Variants in ITGBL1 observed in about 807,000 individuals in gnomAD.
ITGBL1 encodes the protein integrin beta-like protein 1.
Under a neutral mutation model 68.5 loss-of-function variants are expected in ITGBL1, and 51 were observed. The ratio of observed to expected loss-of-function variants is 0.74; its 90% CI spans 0.59 to 0.94. The LOEUF (loss-of-function observed/expected upper bound fraction) is 0.94, where lower values mean the gene tolerates loss of function less well. Among genes scored for constraint, ITGBL1 ranks in the 40% least tolerant of loss-of-function variants. ITGBL1 has a pLI of 0.00. For synonymous variants in ITGBL1, 209 were observed against 227.3 expected (o/e 0.92, Z 0.72); for missense variants, 649 against 647.4 (o/e 1.00, Z -0.03).
At chr13:101,701,146 ACAACT>A (rs2034127330) in intron 8 of ITGBL1, among the ~76,000 whole-genome samples, 2 of 152,348 alleles carry the variant, frequency 1.3e-5, no homozygotes, top group Admixed American at 6.5e-5. Context: ...CATATAAATG[ACAACT>A]CAAAGCATTT....
intron 7 of ITGBL1, among the ~76,000 whole-genome samples, chr13:101,692,173 G>T (rs188774012): frequency 6.6e-6 from 1 of 151,910 alleles, no homozygotes; most frequent in African/African-American, 2.4e-5. Context: ...TCATGGAGCA[G>T]ATAGACCCAA....
chr13:101,477,022 C>T lies in ITGBL1; in HGVS notation c.316+22922C>T, dbSNP rs1020469459. Among the ~76,000 whole-genome samples the T allele has an allele frequency of 3.3e-5, 5 of 151,968 alleles. No individual in the cohort carries two copies. The East Asian group carries it at 5.8e-4, about 18-fold the overall frequency. On this transcript the variant is annotated intron_variant, in intron 2 of 10. Coordinates refer to ENST00000376180, the MANE Select transcript of ITGBL1 (RefSeq NM_004791.3). ...ACCTGATAGGTATTTCCAAGAACAT[C>T]GATGGCTGCAAAGTGCACATGCTTC...
At chr13:101,621,562 T>C (rs550659316) in intron 7 of ITGBL1, among the ~76,000 whole-genome samples, 73 of 152,274 alleles carry the variant, frequency 4.8e-4, no homozygotes, top group Non-Finnish European at 4.4e-5. Context: ...AAGCCTAACA[T>C]GAGCTTTGCA....
chr13:101,467,695 C>T (rs926167016), intron 2 of ITGBL1, among the ~76,000 whole-genome samples: 3 of 152,130 alleles, frequency 2.0e-5, no homozygotes, highest in African/African-American at 7.2e-5. Flanking sequence ...ACTGATTTGA[C>T]TTTGTACAAC....
chr13:101,533,759 T>G (rs2049522684), intron 2 of ITGBL1, among the ~76,000 whole-genome samples: 1 of 63,422 alleles, frequency 1.6e-5, no homozygotes, highest in Non-Finnish European at 3.5e-5. Context: ...TAAAAGAGTT[T>G]GGCTAAGCAT....
intron 7 of ITGBL1, among the ~76,000 whole-genome samples, chr13:101,632,241 T>A (rs1340806754): frequency 6.6e-6 from 1 of 151,950 alleles, no homozygotes; most frequent in Admixed American, 6.6e-5. Context: ...CCCAACTACA[T>A]AGGAAAAGGA....
Position 101,598,225 on chromosome 13 carries a change from A to G in ITGBL1, c.941A>G (p.Gln314Arg). The G allele has an allele frequency of 6.2e-7, 1 of 1,613,902 alleles. No individual in the cohort carries two copies. The highest frequency in any genetic ancestry group is 2.2e-5 in the East Asian group (1 of 44,804). The change falls in exon 7 of 11, where the codon CAG becomes CGG. Residue 314 changes from glutamine (Q) to arginine (R), a missense_variant. By Grantham distance (43) the Gln-to-Arg change is conservative. Coordinates refer to ENST00000376180, the MANE Select transcript of ITGBL1 (RefSeq NM_004791.3). ...TATGGGAAGAAGTGTGAGCACCCAC[A>G]GTCCTGCACGCTGTCAGCTGAGGAG... ...GWYGKKCEHPQSCTLSAEESI... is the reference protein window; with the variant it reads ...GWYGKKCEHPRSCTLSAEESI...
At chr13:101,484,309 T>C (rs2048670349) in intron 2 of ITGBL1, among the ~76,000 whole-genome samples, 1 of 152,138 alleles carries the variant, frequency 6.6e-6, no homozygotes, top group Admixed American at 6.5e-5. Flanking sequence ...ATGATAATGA[T>C]TTCTGGTTTC....
intron 2 of ITGBL1, among the ~76,000 whole-genome samples, chr13:101,532,955 C>T (rs752670001): frequency 5.3e-5 from 8 of 152,096 alleles, no homozygotes; most frequent in Non-Finnish European, 7.4e-5. Context: ...ATAGAGGGGC[C>T]ATATTTCCAA....
chr13:101,538,538 A>T (rs760926439), intron 2 of ITGBL1, among the ~76,000 whole-genome samples: 1 of 152,150 alleles, frequency 6.6e-6, no homozygotes, highest in Non-Finnish European at 1.5e-5. Flanking sequence ...TGGATTTTTT[A>T]AATTTACCTT....
intron 7 of ITGBL1, among the ~76,000 whole-genome samples, chr13:101,669,262 G>T (rs997373302): frequency 1.3e-5 from 2 of 152,054 alleles, no homozygotes; most frequent in African/African-American, 2.4e-5. Context: ...TGCAAAGAAG[G>T]TTATGAGGAA....
At chr13:101,489,513 C>T (rs550102061) in intron 2 of ITGBL1, among the ~76,000 whole-genome samples, 1 of 152,096 alleles carries the variant, frequency 6.6e-6, no homozygotes, top group African/African-American at 2.4e-5. Context: ...TTTAGTTCCC[C>T]TTAAATGCTT....
intron 7 of ITGBL1, among the ~76,000 whole-genome samples, chr13:101,650,318 G>T (rs1222937309): frequency 6.6e-6 from 1 of 152,128 alleles, no homozygotes; most frequent in Non-Finnish European, 1.5e-5. Flanking sequence ...TTTTGCAAAT[G>T]TGTTTATAAG....
At chr13:101,569,159 T>TG (rs1410865889) in intron 3 of ITGBL1, among the ~76,000 whole-genome samples, 3 of 152,058 alleles carry the variant, frequency 2.0e-5, no homozygotes, top group African/African-American at 7.2e-5. Flanking sequence ...TCTTTCATCT[T>TG]GAAAAAATTA....
chr13:101,600,207 TG>T (rs2030274300), intron 7 of ITGBL1, among the ~76,000 whole-genome samples: 1 of 152,154 alleles, frequency 6.6e-6, no homozygotes, highest in Admixed American at 6.5e-5. Context: ...CAATTGTGAA[TG>T]GGAGTTCACT....
chr13:101,520,210 A>G (rs1161671944), intron 2 of ITGBL1, among the ~76,000 whole-genome samples: 1 of 152,226 alleles, frequency 6.6e-6, no homozygotes, highest in Non-Finnish European at 1.5e-5. Context: ...CTAAGATTCA[A>G]TGAAAAACAT....
chr13:101,705,086 A>T (rs1391799574), intron 8 of ITGBL1, among the ~76,000 whole-genome samples: 1 of 152,060 alleles, frequency 6.6e-6, no homozygotes, highest in Non-Finnish European at 1.5e-5. Context: ...TGTTTTTCCC[A>T]GAATATTTTT....
chr13:101,581,750 T>C (rs571328770), intron 5 of ITGBL1, among the ~76,000 whole-genome samples: 42 of 152,338 alleles, frequency 2.8e-4, no homozygotes, highest in African/African-American at 9.9e-4. Flanking sequence ...TTTCTGAACA[T>C]ACACTTGTGT....
chr13:101,548,216 A>G, intron 2 of ITGBL1, among the ~76,000 whole-genome samples: 1 of 151,896 alleles, frequency 6.6e-6, no homozygotes, highest in East Asian at 1.9e-4. Flanking sequence ...TGACAATACA[A>G]AACACTATAC....
Sources: allele counts gnomAD v4.1 joint callset (sites outside exome capture counted in the v4.1 genomes callset), GRCh38; gene constraint gnomAD v4.1.1; transcripts MANE v1.5; gene names NCBI Gene and HGNC (gene_info 2026-07-23, HGNC 2026-07-21).